The following SEL1L3 variants were observed in gnomAD, a reference collection of about 807,000 sequenced individuals.
SEL1L3 encodes the protein SEL1L family member 3, also known as protein sel-1 homolog 3.
SEL1L3 carries 76 observed loss-of-function variants against 142.8 expected under a neutral mutation model. The ratio of observed to expected loss-of-function variants is 0.53; its 90% CI spans 0.44 to 0.64. The LOEUF (loss-of-function observed/expected upper bound fraction) is 0.64, where lower values mean the gene tolerates loss of function less well. Ranked by LOEUF, SEL1L3 falls within the 30% of genes least tolerant of loss-of-function variation. The probability of loss-of-function intolerance (pLI) is 0.00; values close to 1 mark genes in which losing one functional copy is unlikely to be tolerated. For synonymous variants in SEL1L3, 504 were observed against 519.6 expected, an observed-to-expected ratio of 0.97 and a Z score of 0.41; for missense variants, 1,262 against 1,381.7, an observed-to-expected ratio of 0.91 and a Z score of 1.37.
chr4:25,824,926 T>C (rs1024544712), intron 6 of SEL1L3, among the ~76,000 whole-genome samples: 3 of 152,118 alleles, frequency 2.0e-5, no homozygotes, highest in African/African-American at 7.3e-5. Flanking sequence ...TGGGCTCTGA[T>C]TATTTTCACA....
chr4:25,792,115 A>G (rs748512245), intron 11 of SEL1L3, among the ~76,000 whole-genome samples: 3 of 152,200 alleles, frequency 2.0e-5, no homozygotes, highest in Non-Finnish European at 4.4e-5. Context: ...TGAGGAGGCC[A>G]CCAAGTTAAC....
In SEL1L3 at chr4:25,821,997, TG is replaced by T; in HGVS notation, c.1288del (p.Gln430ArgfsTer28). 1 of 1,613,296 alleles carries T rather than the reference TG, an allele frequency of 6.2e-7. No homozygotes were observed. The highest frequency in any genetic ancestry group is 2.2e-5 in the East Asian group (1 of 44,848). ...ATCTTCCTGATCCCCTGGACTCACC[TG>T]GGCGGGGTGCAGACTGCGAAGGCGA... is the stretch of plus-strand genomic sequence containing the variant. ...YYRLRSLHPA[Q>X]IFNPLLEKQL... On this transcript the variant is annotated frameshift_variant and splice_region_variant, in exon 7 of 24. Transcript: ENST00000399878. LOFTEE classifies it high-confidence loss of function.
intron 6 of SEL1L3, among the ~76,000 whole-genome samples, chr4:25,828,992 A>T (rs1376182680): frequency 2.6e-5 from 4 of 152,060 alleles, no homozygotes; most frequent in Admixed American, 6.6e-5. Flanking sequence ...TTTTTATTTT[A>T]AGACAGAGCC....
chr4:25,848,968 G>A (rs1023840626), intron 1 of SEL1L3, among the ~76,000 whole-genome samples: 4 of 152,132 alleles, frequency 2.6e-5, no homozygotes, highest in Non-Finnish European at 5.9e-5. Flanking sequence ...GTGAAACCCT[G>A]TCTTTACTAA....
the SEL1L3 span, among the ~76,000 whole-genome samples, chr4:25,733,631 C>T: frequency 3.3e-5 from 5 of 151,572 alleles, no homozygotes; most frequent in East Asian, 3.9e-4. Flanking sequence ...AGTGATTCTC[C>T]TGCCTCAGCT....
chr4:25,795,829 G>A (rs1712697137), intron 11 of SEL1L3, among the ~76,000 whole-genome samples: 1 of 152,114 alleles, frequency 6.6e-6, no homozygotes, highest in African/African-American at 2.4e-5. Flanking sequence ...AGACTTCGGA[G>A]GCAGGAATGA....
At chr4:25,748,664 C>CT in intron 23 of SEL1L3, 100 bp from the exon 24 acceptor site, 1 of 1,288,946 alleles carries the variant, frequency 7.8e-7, no homozygotes, top group East Asian at 2.5e-5. Flanking sequence ...AGAGATGCAT[C>CT]TAGTCTAATG....
intron 2 of SEL1L3, 29 bp from the exon 3 acceptor site, chr4:25,835,352 A>G (rs754181985): frequency 3.7e-6 from 6 of 1,609,682 alleles, no homozygotes; most frequent in South Asian, 3.3e-5. Context: ...CTCCCTTTCA[A>G]TTATATCCAG....
Position 25,779,068 on chromosome 4 carries a change from A to G in SEL1L3, c.2585+8T>C. 1 of 1,612,320 alleles carries G rather than the reference A, an allele frequency of 6.2e-7. No homozygotes were observed. Among genetic ancestry groups the G allele is most frequent in the Admixed American group, 1.7e-5 (1 of 59,918 alleles). Reference sequence around the variant, plus strand: ...TCCCTTCAAATGCAACGTTTGACAGAGTCTTACACAACAGCTTTCTCAGGA... The same window carrying G: ...TCCCTTCAAATGCAACGTTTGACAGGGTCTTACACAACAGCTTTCTCAGGA... On this transcript the variant is annotated splice_region_variant and intron_variant, in intron 16 of 23. Transcript: ENST00000399878.
intron 17 of SEL1L3, among the ~76,000 whole-genome samples, chr4:25,774,262 G>A (rs1719444336): frequency 6.6e-6 from 1 of 152,146 alleles, no homozygotes. Flanking sequence ...AAGAGATGAG[G>A]CAGCAAATTT....
At chr4:25,844,947 T>C (rs1384600044) in intron 2 of SEL1L3, among the ~76,000 whole-genome samples, 1 of 151,568 alleles carries the variant, frequency 6.6e-6, no homozygotes, top group Non-Finnish European at 1.5e-5. Context: ...TTTCATCTTC[T>C]AGACATCTTT....
chr4:25,857,527 T>C (rs557950892), intron 1 of SEL1L3, among the ~76,000 whole-genome samples: 60 of 152,320 alleles, frequency 3.9e-4, no homozygotes, highest in African/African-American at 1.4e-3. Flanking sequence ...TGGGACCTCA[T>C]AGAACTTCTC....
At chr4:25,847,203 G>A (rs1716576238) in intron 2 of SEL1L3, 91 bp downstream of exon 2, 20 of 1,062,732 alleles carry the variant, frequency 1.9e-5, no homozygotes, top group Non-Finnish European at 2.6e-5. Context: ...ATCCCCCTTC[G>A]CTAATAGAAG....
the SEL1L3 span, among the ~76,000 whole-genome samples, chr4:25,731,609 T>G: frequency 6.6e-6 from 1 of 152,258 alleles, no homozygotes; most frequent in African/African-American, 2.4e-5. Context: ...CTTCTTGGTC[T>G]GGCTTCTTTC....
intron 11 of SEL1L3, among the ~76,000 whole-genome samples, chr4:25,793,168 G>A (rs1045105581): frequency 3.3e-5 from 5 of 152,192 alleles, no homozygotes; most frequent in African/African-American, 1.2e-4. Context: ...TCAAATTGAG[G>A]AGTCAAATCC....
chr4:25,850,829 T>A (rs553288342), intron 1 of SEL1L3, among the ~76,000 whole-genome samples: 59 of 152,134 alleles, frequency 3.9e-4, no homozygotes, highest in African/African-American at 1.4e-3. Flanking sequence ...TTTTTGAATT[T>A]TCAGGGTTTT....
intron 10 of SEL1L3, among the ~76,000 whole-genome samples, chr4:25,803,803 T>C (rs1038950864): frequency 1.3e-5 from 2 of 152,022 alleles, no homozygotes; most frequent in Non-Finnish European, 2.9e-5. Context: ...GTTGTTGTTT[T>C]GGTTTTTTTC....
chr4:25,751,523 A>C (rs1275613098), intron 23 of SEL1L3, among the ~76,000 whole-genome samples: 3 of 152,064 alleles, frequency 2.0e-5, no homozygotes, highest in Non-Finnish European at 4.4e-5. Flanking sequence ...ACCCAGACCC[A>C]GGGACCTTTC....
intron 17 of SEL1L3, among the ~76,000 whole-genome samples, chr4:25,772,541 C>T (rs564421012): frequency 2.0e-5 from 3 of 148,940 alleles, no homozygotes; most frequent in South Asian, 2.1e-4. Context: ...TGCTCATGGC[C>T]GCATTGATCT....
Sources: allele counts gnomAD v4.1 joint callset (sites outside exome capture counted in the v4.1 genomes callset), GRCh38; gene constraint gnomAD v4.1.1; transcripts MANE v1.5; gene names NCBI Gene and HGNC (gene_info 2026-07-23, HGNC 2026-07-21).